Variants in RAPGEF4 observed in about 807,000 individuals in gnomAD.
The protein encoded by RAPGEF4 is RAP guanine-nucleotide-exchange factor (GEF) 4.
Under a neutral mutation model 147.9 loss-of-function variants are expected in RAPGEF4, and 66 were observed. The observed-to-expected ratio is 0.45, with a 90% CI of 0.37 to 0.55. The LOEUF (loss-of-function observed/expected upper bound fraction) is 0.55, where lower values mean the gene tolerates loss of function less well. Among genes scored for constraint, RAPGEF4 ranks in the 20% least tolerant of loss-of-function variants. The pLI, the probability that RAPGEF4 is intolerant of heterozygous loss-of-function variation, is 0.00. For synonymous variants in RAPGEF4, 419 were observed against 442.7 expected (o/e 0.95, Z 0.67); for missense variants, 1,071 against 1,257.3 (o/e 0.85, Z 2.24).
At chr2:172,818,042 G>C (rs1688685538) in intron 4 of RAPGEF4, among the ~76,000 whole-genome samples, 1 of 151,060 alleles carries the variant, frequency 6.6e-6, no homozygotes, top group African/African-American at 2.4e-5. Flanking sequence ...ACGGCAATCT[G>C]GGTGGAATTG....
chr2:172,974,643 A>C (rs1690877308), intron 10 of RAPGEF4, among the ~76,000 whole-genome samples: 1 of 152,212 alleles, frequency 6.6e-6, no homozygotes, highest in Non-Finnish European at 1.5e-5. Flanking sequence ...TGATCATCTC[A>C]CTGCTCTCCA....
At chr2:172,966,302 A>G (rs1483196382) in intron 9 of RAPGEF4, among the ~76,000 whole-genome samples, 1 of 152,182 alleles carries the variant, frequency 6.6e-6, no homozygotes, top group East Asian at 1.9e-4. Flanking sequence ...TATTAAAAAC[A>G]TTCATTTCAT....
intron 6 of RAPGEF4, among the ~76,000 whole-genome samples, chr2:172,951,558 G>A (rs1688211178): frequency 6.6e-6 from 1 of 152,122 alleles, no homozygotes; most frequent in South Asian, 2.1e-4. Context: ...TATGGGGCAG[G>A]GATACGATAT....
Position 172,951,590 on chromosome 2 carries a change from G to A in RAPGEF4, c.538-9170G>A, listed in dbSNP as rs903267988. ...ATATCCTATAGAATGGACAGAGCAG[G>A]CCTCTCCAAGAAGGTGTGTTTGAGC... On this transcript the variant is annotated intron_variant, in intron 6 of 30. Coordinates refer to ENST00000397081, the MANE Select transcript of RAPGEF4 (RefSeq NM_007023.4). Among the ~76,000 whole-genome samples, 5 of 152,162 alleles carry A rather than the reference G, an allele frequency of 3.3e-5. No individual in the cohort carries two copies. In the East Asian group the frequency reaches 7.7e-4, roughly 23 times the overall value.
At chr2:172,860,104 A>T in intron 4 of RAPGEF4, 1 of 985,380 alleles carries the variant, frequency 1.0e-6, no homozygotes, top group Non-Finnish European at 1.2e-6. Flanking sequence ...ACGCAGAAAC[A>T]TTAGTGCTAA....
At chr2:172,953,401 TA>T (rs1688415436) in intron 6 of RAPGEF4, among the ~76,000 whole-genome samples, 1 of 148,222 alleles carries the variant, frequency 6.7e-6, no homozygotes, top group African/African-American at 2.4e-5. Flanking sequence ...ATAATAAATA[TA>T]AAAAATAACT....
chr2:172,754,189 G>A (rs868560735), intron 1 of RAPGEF4, among the ~76,000 whole-genome samples: 4 of 152,034 alleles, frequency 2.6e-5, no homozygotes, highest in Admixed American at 2.0e-4. Flanking sequence ...ATGTGTTTGA[G>A]CTTGAACTTT....
intron 6 of RAPGEF4, among the ~76,000 whole-genome samples, chr2:172,938,214 TACACACACACACAC>T (rs57780996): frequency 1.3e-5 from 2 of 148,160 alleles, no homozygotes; most frequent in African/African-American, 2.5e-5. Flanking sequence ...TATCTGTAAG[TACACACACACACAC>T]ACACACACAC....
intron 4 of RAPGEF4, among the ~76,000 whole-genome samples, chr2:172,821,135 A>C (rs1255194294): frequency 6.6e-6 from 1 of 152,226 alleles, no homozygotes; most frequent in Non-Finnish European, 1.5e-5. Flanking sequence ...ATCTCAGAAC[A>C]CAGATATCCC....
At chr2:172,883,538 T>C (rs1346021868) in intron 4 of RAPGEF4, among the ~76,000 whole-genome samples, 1 of 152,218 alleles carries the variant, frequency 6.6e-6, no homozygotes, top group African/African-American at 2.4e-5. Context: ...AACATTCATA[T>C]TGGAGTTTGA....
chr2:172,983,377 A>T, intron 10 of RAPGEF4, 119 bp from the exon 11 acceptor site: 1 of 1,493,408 alleles, frequency 6.7e-7, no homozygotes, highest in East Asian at 2.3e-5. Context: ...CCCTCCGCCA[A>T]TATCTTCTTG....
chr2:172,756,587 T>A (rs1695801070), intron 1 of RAPGEF4, among the ~76,000 whole-genome samples: 1 of 152,228 alleles, frequency 6.6e-6, no homozygotes, highest in Admixed American at 6.5e-5. Context: ...TCCTCAGCCC[T>A]GTCTTGTACT....
intron 4 of RAPGEF4, among the ~76,000 whole-genome samples, chr2:172,828,026 G>A (rs867829149): frequency 2.1e-4 from 32 of 152,034 alleles, no homozygotes; most frequent in Admixed American, 3.9e-4. Context: ...ATATCTGCAA[G>A]CATTAGTCAA....
At chr2:172,875,965 C>T (rs1234941990) in intron 4 of RAPGEF4, among the ~76,000 whole-genome samples, 1 of 152,108 alleles carries the variant, frequency 6.6e-6, no homozygotes, top group Non-Finnish European at 1.5e-5. Flanking sequence ...CTTCACATCC[C>T]TTGTAAGCTG....
intron 4 of RAPGEF4, among the ~76,000 whole-genome samples, chr2:172,886,444 A>G (rs1697222773): frequency 6.6e-6 from 1 of 152,230 alleles, no homozygotes; most frequent in South Asian, 2.1e-4. Context: ...CCTGCTCACT[A>G]TTAGAAAGAA....
chr2:172,857,176 A>G (rs13385694), intron 4 of RAPGEF4, among the ~76,000 whole-genome samples: 2,257 of 53,444 alleles, frequency 0.042, 14 homozygotes, highest in Non-Finnish European at 0.063. Context: ...GTGCGCGCGC[A>G]CACACACACA....
chr2:173,040,136 C>A (rs531272317), intron 29 of RAPGEF4, among the ~76,000 whole-genome samples: 1 of 148,608 alleles, frequency 6.7e-6, no homozygotes, highest in South Asian at 2.1e-4. Context: ...TGCAGTGAGC[C>A]GAGATCACAC....
At chr2:172,846,218 G>C (rs773833605) in intron 4 of RAPGEF4, among the ~76,000 whole-genome samples, 4 of 152,136 alleles carry the variant, frequency 2.6e-5, no homozygotes, top group Non-Finnish European at 4.4e-5. Context: ...CTTCCAATCA[G>C]ATCTCTCATG....
At chr2:172,890,637 A>G (rs138827908) in intron 4 of RAPGEF4, among the ~76,000 whole-genome samples, 130 of 152,308 alleles carry the variant, frequency 8.5e-4, no homozygotes, top group African/African-American at 3.1e-3. Flanking sequence ...AGTTCCTAGC[A>G]TCTTCAAACC....
Sources: gnomAD v4.1 joint callset for allele counts (sites outside exome capture counted in the v4.1 genomes callset) on GRCh38, gnomAD v4.1.1 for gene constraint, MANE v1.5 for transcripts, NCBI Gene and HGNC (gene_info 2026-07-23, HGNC 2026-07-21) for gene names.